Variants in MYH11 observed in about 807,000 individuals in gnomAD.
MYH11 encodes myosin-11.
A neutral mutation model predicts 246.6 loss-of-function variants in MYH11; 80 were observed. The observed-to-expected ratio is 0.32, with a 90% CI of 0.27 to 0.39. MYH11 has a LOEUF of 0.39. MYH11 is among the 10% of genes least tolerant of loss of function. The pLI is 1.00. For missense variants in MYH11, 2,158 were observed against 2,546.8 expected (o/e 0.85, Z 3.29); for synonymous variants, 1,071 against 1,015.5 (o/e 1.05, Z -1.04).
chr16:15,770,706 T>A (rs2042080686), intron 9 of MYH11, among the ~76,000 whole-genome samples: 1 of 152,128 alleles, frequency 6.6e-6, no homozygotes, highest in Non-Finnish European at 1.5e-5. Context: ...GAAACCACCC[T>A]GCGCTTTCCA....
chr16:15,832,170 G>A (rs1295863976), intron 2 of MYH11, among the ~76,000 whole-genome samples: 1 of 152,150 alleles, frequency 6.6e-6, no homozygotes, highest in Non-Finnish European at 1.5e-5. Context: ...AAGTTTGGAA[G>A]GAGGGCTTCT....
intron 6 of MYH11, among the ~76,000 whole-genome samples, chr16:15,780,009 T>C (rs968360959): frequency 1.3e-5 from 2 of 152,202 alleles, no homozygotes; most frequent in African/African-American, 2.4e-5. Flanking sequence ...GGGATGACCA[T>C]ATCCCAGATG....
chr16:15,843,208 A>G (rs977130039), intron 1 of MYH11, among the ~76,000 whole-genome samples: 1 of 151,906 alleles, frequency 6.6e-6, no homozygotes, highest in African/African-American at 2.4e-5. Context: ...TGTCTCTACT[A>G]AAAAATACAA....
chr16:15,827,233 G>T (rs77482901), intron 2 of MYH11, among the ~76,000 whole-genome samples: 3,333 of 152,146 alleles, frequency 0.022, 120 homozygotes, highest in African/African-American at 0.075. Flanking sequence ...ATTAAAACAC[G>T]TCGTAAGAAC....
intron 2 of MYH11, 142 bp downstream of exon 2, chr16:15,837,766 C>T (rs2043937276): frequency 1.4e-6 from 1 of 721,144 alleles, no homozygotes; most frequent in Non-Finnish European, 2.4e-6. Context: ...AACTTCTGAC[C>T]TCAGGTGATC....
chr16:15,747,784 G>A, intron 18 of MYH11, 54 bp from the exon 19 acceptor site: 3 of 1,613,140 alleles, frequency 1.9e-6, no homozygotes, highest in South Asian at 1.1e-5. Flanking sequence ...CATTTGGCCA[G>A]TGATGACATG....
chr16:15,720,190 C>G lies in MYH11; in HGVS notation c.4914G>C (p.Lys1638Asn), dbSNP rs769970169. 1.2e-6 allele frequency: 2 copies of G among 1,614,150 alleles called. No homozygotes were observed. The highest frequency in any genetic ancestry group is 8.5e-7 in the Non-Finnish European group (1 of 1,180,026). The change falls in exon 34 of 41, where the codon AAG (lysine) becomes AAC (asparagine). Residue 1638 changes from lysine (K) to asparagine (N), a missense_variant. Physicochemically the swap from Lys to Asn is moderately conservative, Grantham distance 94. Transcript: ENST00000300036. ...DLELQADSAIKGREEAIKQLR... is the reference protein window; with the variant it reads ...DLELQADSAINGREEAIKQLR... ...GCTGCTTGATGGCTTCCTCCCTCCC[C>G]TTGATGGCAGAGTCGGCCTGAAGCT...
At chr16:15,704,302 A>G (rs1269962664) in intron 40 of MYH11, among the ~76,000 whole-genome samples, 179 bp from the exon 41 acceptor site, 2 of 152,208 alleles carry the variant, frequency 1.3e-5, no homozygotes. Context: ...TCAACAAATC[A>G]TTGCCAGTCT....
chr16:15,821,989 T>G (rs1567199472), intron 3 of MYH11, among the ~76,000 whole-genome samples: 3 of 151,758 alleles, frequency 2.0e-5, no homozygotes. Context: ...AGATTACAGC[T>G]CCAAGATTGC....
intron 3 of MYH11, among the ~76,000 whole-genome samples, chr16:15,819,655 G>A (rs1369674374): frequency 3.3e-5 from 5 of 152,086 alleles, no homozygotes; most frequent in Admixed American, 1.3e-4. Flanking sequence ...GATTCTACAT[G>A]ATGGTGAGTT....
intron 19 of MYH11, among the ~76,000 whole-genome samples, chr16:15,746,026 C>T (rs1269704517): frequency 6.6e-6 from 1 of 152,106 alleles, no homozygotes; most frequent in Admixed American, 6.5e-5. Flanking sequence ...AAATGATCCT[C>T]CTGCCTCAGC....
intron 1 of MYH11, among the ~76,000 whole-genome samples, chr16:15,856,549 G>A (rs1283885260): frequency 1.3e-5 from 2 of 151,814 alleles, no homozygotes; most frequent in East Asian, 1.9e-4. Flanking sequence ...TGTCTGCACC[G>A]GACCTCTGAG....
intron 10 of MYH11, 55 bp downstream of exon 10, chr16:15,763,741 T>TCGGGGGGGCCCCCCCCCCCCCC: frequency 1.5e-6 from 1 of 646,862 alleles, no homozygotes; most frequent in Non-Finnish European, 2.9e-6. Context: ...AAATGTCACC[T>TCGGGGGGGCCCCCCCCCCCCCC]CCCCCACCCC....
At chr16:15,769,958 G>A (rs1455696424) in intron 9 of MYH11, among the ~76,000 whole-genome samples, 1 of 152,160 alleles carries the variant, frequency 6.6e-6, no homozygotes, top group African/African-American at 2.4e-5. Flanking sequence ...ACTGTGCCCA[G>A]CCTGTTCCAG....
chr16:15,811,527 C>T (rs1000289899), intron 3 of MYH11, among the ~76,000 whole-genome samples: 8 of 152,022 alleles, frequency 5.3e-5, no homozygotes, highest in Non-Finnish European at 4.4e-5. Flanking sequence ...CTAGTGAGGG[C>T]CGAGCAATGT....
At chr16:15,707,839 G>GC (rs879708594) in intron 40 of MYH11, among the ~76,000 whole-genome samples, 1 of 152,068 alleles carries the variant, frequency 6.6e-6, no homozygotes, top group Non-Finnish European at 1.5e-5. Context: ...GGGCGAGGTG[G>GC]CGGGAGCCTG....
intron 2 of MYH11, among the ~76,000 whole-genome samples, chr16:15,829,322 C>T (rs934710619): frequency 3.3e-5 from 5 of 152,208 alleles, no homozygotes; most frequent in African/African-American, 1.2e-4. Flanking sequence ...GTGCCGTGCA[C>T]ACAACAAGCA....
intron 37 of MYH11, chr16:15,718,114 C>G: frequency 1.3e-6 from 1 of 782,392 alleles, no homozygotes; most frequent in African/African-American, 1.7e-5. Context: ...GACACTGCAG[C>G]GTGGAGAGGA....
At chr16:15,719,869 G>T (rs1480091942) in intron 34 of MYH11, among the ~76,000 whole-genome samples, 156 bp from the exon 35 acceptor site, 1 of 152,180 alleles carries the variant, frequency 6.6e-6, no homozygotes, top group African/African-American at 2.4e-5. Flanking sequence ...CAGGTGGCTG[G>T]TGGTGCGCTG....
Sources: gnomAD v4.1 joint callset for allele counts (sites outside exome capture counted in the v4.1 genomes callset) on GRCh38, gnomAD v4.1.1 for gene constraint, MANE v1.5 for transcripts, NCBI Gene and HGNC (gene_info 2026-07-23, HGNC 2026-07-21) for gene names.